The following PKNOX2 variants were observed in gnomAD, a reference collection of about 807,000 sequenced individuals.
PKNOX2 encodes the protein PBX/knotted 1 homeobox 2.
Under a neutral mutation model 53.1 loss-of-function variants are expected in PKNOX2, and 14 were observed. The observed-to-expected ratio is 0.26, with a 90% CI of 0.17 to 0.41. The LOEUF (loss-of-function observed/expected upper bound fraction) is 0.41, where lower values mean the gene tolerates loss of function less well. Among genes scored for constraint, PKNOX2 ranks in the 10% least tolerant of loss-of-function variants. The probability of loss-of-function intolerance (pLI) is 1.00; values close to 1 mark genes in which losing one functional copy is unlikely to be tolerated. For missense variants in PKNOX2, 496 were observed against 602.8 expected (o/e 0.82, Z 1.85); for synonymous variants, 257 against 242.8 (o/e 1.06, Z -0.54).
At chr11:125,175,251 A>AAGGAAGGAAGGAAG (rs1283725087) in intron 1 of PKNOX2, among the ~76,000 whole-genome samples, 12 of 58,708 alleles carry the variant, frequency 2.0e-4, no homozygotes, top group Non-Finnish European at 2.8e-4. Flanking sequence ...AAGGAAGGAA[A>AAGGAAGGAAGGAAG]GAAGGAAGGA....
chr11:125,325,303 G>A (rs1949765315), intron 2 of PKNOX2, among the ~76,000 whole-genome samples: 1 of 152,194 alleles, frequency 6.6e-6, no homozygotes, highest in Non-Finnish European at 1.5e-5. Context: ...TGGAAGTGCA[G>A]GTGAGGAATA....
intron 3 of PKNOX2, among the ~76,000 whole-genome samples, chr11:125,335,805 G>A (rs1396543666): frequency 6.6e-6 from 1 of 152,006 alleles, no homozygotes; most frequent in Admixed American, 6.6e-5. Context: ...GTGACAGAGG[G>A]AGACTCCTGT....
At chr11:125,351,015 A>T (rs574099522) in intron 3 of PKNOX2, among the ~76,000 whole-genome samples, 221 of 151,876 alleles carry the variant, frequency 1.5e-3, no homozygotes, top group Middle Eastern at 6.8e-3. Context: ...AACAGGCCGG[A>T]GCTGATGCTG....
chr11:125,291,169 C>G (rs1033319318), intron 2 of PKNOX2, among the ~76,000 whole-genome samples: 2 of 152,168 alleles, frequency 1.3e-5, no homozygotes, highest in African/African-American at 4.8e-5. Context: ...CAATTGTCAT[C>G]GCTCTCTGGG....
At chr11:125,250,845 TG>T (rs1340066861) in intron 2 of PKNOX2, among the ~76,000 whole-genome samples, 1 of 152,222 alleles carries the variant, frequency 6.6e-6, no homozygotes, top group Non-Finnish European at 1.5e-5. Context: ...CTCAGAAAGC[TG>T]AGGCCTCCTC....
intron 7 of PKNOX2, among the ~76,000 whole-genome samples, chr11:125,401,921 C>T (rs1379689642): frequency 6.6e-6 from 1 of 152,212 alleles, no homozygotes; most frequent in African/African-American, 2.4e-5. Context: ...TCTGGATCAA[C>T]ATTCCAGCCG....
intron 1 of PKNOX2, among the ~76,000 whole-genome samples, chr11:125,234,391 A>AT (rs1387772873): frequency 1.6e-4 from 24 of 152,264 alleles, no homozygotes; most frequent in African/African-American, 5.8e-4. Context: ...GACTGTTTTT[A>AT]TTTTTACAAA....
rs1954888064 is a variant in PKNOX2, at chr11:125,166,513, C to G, written c.-201+1737C>G. The stretch of plus-strand genomic sequence containing the variant: ...GCGGGGCTGGGAGTGGATCTGAGGT[C>G]CCGACCCAGGCGGCTCGGAGTGCTC... On this transcript the variant is annotated intron_variant, in intron 1 of 12. Coordinates refer to ENST00000298282, the MANE Select transcript of PKNOX2 (RefSeq NM_001382323.2). The surrounding 1 kb of genome is among the most constrained non-coding windows in gnomAD (Gnocchi z 4.0). Among the ~76,000 whole-genome samples, 1 of 152,152 alleles carries G rather than the reference C, an allele frequency of 6.6e-6. No individual in the cohort carries two copies. The highest frequency in any genetic ancestry group is 6.5e-5 in the Admixed American group (1 of 15,284).
intron 4 of PKNOX2, among the ~76,000 whole-genome samples, chr11:125,354,067 T>C (rs567739599): frequency 9.8e-5 from 15 of 152,322 alleles, no homozygotes; most frequent in African/African-American, 2.9e-4. Context: ...GGCTCCCTTG[T>C]AGGAACAGCT....
At chr11:125,261,681 T>C (rs981168232) in intron 2 of PKNOX2, among the ~76,000 whole-genome samples, 2 of 152,242 alleles carry the variant, frequency 1.3e-5, no homozygotes, top group African/African-American at 4.8e-5. Flanking sequence ...CACCCCCAAG[T>C]CAAGGCTAAG....
intron 1 of PKNOX2, among the ~76,000 whole-genome samples, chr11:125,228,709 G>A (rs149905208): frequency 2.8e-4 from 42 of 152,264 alleles, no homozygotes; most frequent in African/African-American, 9.1e-4. Context: ...AAAAACCCTC[G>A]GTTGGTATTC....
intron 3 of PKNOX2, among the ~76,000 whole-genome samples, chr11:125,333,495 C>A (rs1950251366): frequency 6.6e-6 from 1 of 151,698 alleles, no homozygotes; most frequent in African/African-American, 2.4e-5. Flanking sequence ...GTAGAGGCAA[C>A]CTCAAATATC....
intron 2 of PKNOX2, chr11:125,287,874 G>C (rs970184004): frequency 6.6e-6 from 1 of 152,276 alleles, no homozygotes; most frequent in Admixed American, 6.5e-5. Context: ...GGGGGCAAGC[G>C]ACTTGGAAGC....
At chr11:125,176,630 ACT>A (rs1955723848) in intron 1 of PKNOX2, among the ~76,000 whole-genome samples, 1 of 151,882 alleles carries the variant, frequency 6.6e-6, no homozygotes, top group South Asian at 2.1e-4. Context: ...AGGCGCATGA[ACT>A]CTAGTCACCT....
intron 10 of PKNOX2, among the ~76,000 whole-genome samples, chr11:125,425,415 A>C (rs558582995): frequency 6.6e-6 from 1 of 152,130 alleles, no homozygotes; most frequent in African/African-American, 2.4e-5. Context: ...GCTTTTCATG[A>C]ACTGTATCTA....
chr11:125,298,782 T>A (rs1947827640), intron 2 of PKNOX2, among the ~76,000 whole-genome samples: 1 of 152,192 alleles, frequency 6.6e-6, no homozygotes, highest in African/African-American at 2.4e-5. Context: ...CTCGTGACCT[T>A]GACGTATTCC....
At chr11:125,409,889 A>G (rs1052277240) in intron 7 of PKNOX2, 2 of 243,378 alleles carry the variant, frequency 8.2e-6, no homozygotes, top group Non-Finnish European at 7.9e-6. Context: ...AAGCATCATT[A>G]CTGGAGATTT....
At chr11:125,398,576 C>G (rs893755462) in intron 7 of PKNOX2, among the ~76,000 whole-genome samples, 1 of 152,258 alleles carries the variant, frequency 6.6e-6, no homozygotes, top group African/African-American at 2.4e-5. Flanking sequence ...TCTGGCATCT[C>G]TGTCCCCCTA....
chr11:125,327,938 T>C (rs1338992211), intron 2 of PKNOX2, among the ~76,000 whole-genome samples: 2 of 152,122 alleles, frequency 1.3e-5, no homozygotes, highest in Admixed American at 1.3e-4. Flanking sequence ...ATTCCCTGAG[T>C]GGAGAACAGG....
Sources: allele counts gnomAD v4.1 joint callset (sites outside exome capture counted in the v4.1 genomes callset), GRCh38; gene constraint gnomAD v4.1.1; non-coding constraint Gnocchi (gnomAD v3.1); transcripts MANE v1.5; gene names NCBI Gene and HGNC (gene_info 2026-07-23, HGNC 2026-07-21).